MBP: variants seen among roughly 807,000 people sequenced by gnomAD.
MBP encodes the protein Golli-MBP.
MBP carries 16 observed loss-of-function variants against 35.8 expected under a neutral mutation model. The ratio of observed to expected loss-of-function variants is 0.45; its 90% CI spans 0.30 to 0.68. The LOEUF is 0.68. MBP is among the 30% of genes least tolerant of loss of function. MBP has a pLI of 0.08. For missense variants in MBP, 380 were observed against 404.7 expected (o/e 0.94, Z 0.52); for synonymous variants, 143 against 159.6 (o/e 0.90, Z 0.78).
chr18:77,102,964 T>G lies in MBP; in HGVS notation c.51+2247A>C, dbSNP rs964906674. ...TGCTGACATTATCAGTAATACAGTT[T>G]AAGTATGGGCTGAACAAAATAATGA... On this transcript the variant is annotated intron_variant, in intron 2 of 8. Coordinates refer to ENST00000355994, the MANE Select transcript of MBP (RefSeq NM_001025101.2). The surrounding 1 kb of genome is among the most constrained non-coding windows in gnomAD (Gnocchi z 4.4). Among the ~76,000 whole-genome samples, 5 of 150,992 alleles carry G rather than the reference T, an allele frequency of 3.3e-5. No individual in the cohort carries two copies. The highest frequency in any genetic ancestry group is 1.2e-4 in the African/African-American group (5 of 41,376).
intron 4 of MBP, among the ~76,000 whole-genome samples, chr18:77,010,867 A>G (rs8090467): frequency 0.014 from 2,168 of 152,348 alleles, 57 homozygotes; most frequent in African/African-American, 0.049. Flanking sequence ...CTATTTCTTG[A>G]CTATCAGCTA....
intron 3 of MBP, among the ~76,000 whole-genome samples, chr18:77,039,996 G>C (rs1468581939): frequency 6.6e-6 from 1 of 152,194 alleles, no homozygotes. Context: ...ATTGTTCGTA[G>C]AGTAGGAAAA....
chr18:77,101,719 A>G lies in MBP; in HGVS notation c.51+3492T>C, dbSNP rs145454922. ...CCTTTAGTTAGTTTCTCTTCCTCTTACATCCTGCCGTGGCTTATTCGGGAT... is the reference window on the plus strand; with the variant it reads ...CCTTTAGTTAGTTTCTCTTCCTCTTGCATCCTGCCGTGGCTTATTCGGGAT... On this transcript the variant is annotated intron_variant, in intron 2 of 8. Transcript: ENST00000355994. The surrounding 1 kb of genome is among the most constrained non-coding windows in gnomAD (Gnocchi z 4.3). 1.3e-5 allele frequency among the ~76,000 whole-genome samples: 2 copies of G among 152,218 alleles called. No individual in the cohort carries two copies. The highest frequency in any genetic ancestry group is 2.9e-5 in the Non-Finnish European group (2 of 68,010).
In MBP at chr18:77,026,228, C is replaced by T. The variant is rs1007496201; in HGVS notation, c.140-8960G>A. Among the ~76,000 whole-genome samples, 8 of 152,240 alleles carry T rather than the reference C, an allele frequency of 5.3e-5. No individual in the cohort carries two copies. The South Asian group carries it at 1.4e-3, about 28-fold the overall frequency. ...TCACGCTGGCTTGACCCACGGAGGGCGGCTGTCAGCCGCAACCGGAGGCAG... is the reference window on the plus strand; with the variant it reads ...TCACGCTGGCTTGACCCACGGAGGGTGGCTGTCAGCCGCAACCGGAGGCAG... On this transcript the variant is annotated intron_variant, in intron 3 of 8. Transcript: ENST00000355994.
chr18:77,070,738 G>A (rs536086831), intron 2 of MBP, among the ~76,000 whole-genome samples: 2 of 152,232 alleles, frequency 1.3e-5, no homozygotes, highest in Admixed American at 6.5e-5. Context: ...CTGGGAACTC[G>A]AGAGGTCCAC....
intron 2 of MBP, among the ~76,000 whole-genome samples, chr18:77,094,562 T>C (rs926951139): frequency 6.6e-6 from 1 of 152,226 alleles, no homozygotes; most frequent in African/African-American, 2.4e-5. Flanking sequence ...TGTACATTTG[T>C]GCTATGGTTT....
chr18:77,047,602 G>A (rs907796519), intron 3 of MBP, among the ~76,000 whole-genome samples: 3 of 152,200 alleles, frequency 2.0e-5, no homozygotes, highest in African/African-American at 7.2e-5. Context: ...AACCGTTAAT[G>A]TGTACACTGA....
At chr18:76,993,718 A>C (rs1970103537) in intron 4 of MBP, among the ~76,000 whole-genome samples, 1 of 152,210 alleles carries the variant, frequency 6.6e-6, no homozygotes, top group African/African-American at 2.4e-5. Flanking sequence ...CGCAGCTCCC[A>C]TACTCTTCAC....
At chr18:77,017,535 A>G (rs980332931) in intron 3 of MBP, 6 of 333,308 alleles carry the variant, frequency 1.8e-5, no homozygotes, top group African/African-American at 1.1e-4. Flanking sequence ...CGATGAAGTC[A>G]TCTGAGCATG....
intron 1 of MBP, chr18:77,114,661 C>G (rs1674199872): frequency 6.6e-6 from 1 of 152,300 alleles, no homozygotes; most frequent in Non-Finnish European, 1.5e-5. Flanking sequence ...CTGGGACTGG[C>G]CTTCGGATGG....
intron 2 of MBP, among the ~76,000 whole-genome samples, chr18:77,077,057 G>T (rs1387637688): frequency 1.3e-5 from 2 of 152,028 alleles, no homozygotes; most frequent in African/African-American, 4.8e-5. Context: ...CCGTGTGTTT[G>T]GTATAAAATT....
At chr18:77,121,236 A>G (rs971650816) in intron 1 of MBP, among the ~76,000 whole-genome samples, 4 of 152,022 alleles carry the variant, frequency 2.6e-5, no homozygotes, top group African/African-American at 7.2e-5. Flanking sequence ...TTTGAGCCCC[A>G]GAGATTGAGG....
chr18:76,986,810 T>C, intron 7 of MBP: 1 of 985,484 alleles, frequency 1.0e-6, no homozygotes, highest in Non-Finnish European at 1.2e-6. Context: ...TTTTGAGAGC[T>C]AAATCCGGGG....
chr18:77,036,363 C>A (rs1271346884), intron 3 of MBP, among the ~76,000 whole-genome samples: 1 of 139,874 alleles, frequency 7.1e-6, no homozygotes, highest in Non-Finnish European at 1.5e-5. Context: ...GTGCTGGTCA[C>A]ATTTTGGAGA....
intron 4 of MBP, among the ~76,000 whole-genome samples, chr18:76,997,589 G>A (rs911585078): frequency 6.6e-6 from 1 of 152,260 alleles, no homozygotes; most frequent in Non-Finnish European, 1.5e-5. Context: ...TGCTGAGCAC[G>A]GGAAGAAAAG....
At chr18:76,984,475 T>C (rs1969418580) in intron 8 of MBP, 2 of 358,418 alleles carry the variant, frequency 5.6e-6, no homozygotes, top group East Asian at 6.2e-5. Flanking sequence ...ATGAGCAAGT[T>C]GGACTCCAGC....
intron 3 of MBP, among the ~76,000 whole-genome samples, chr18:77,061,459 A>G (rs1324498974): frequency 6.6e-6 from 1 of 152,222 alleles, no homozygotes; most frequent in Admixed American, 6.5e-5. Flanking sequence ...CTCACAGGTC[A>G]TTTTATGATT....
intron 4 of MBP, chr18:76,990,906 G>A (rs1285114859): frequency 3.1e-6 from 1 of 318,472 alleles, no homozygotes; most frequent in East Asian, 1.4e-4. Flanking sequence ...GACTCAGTGT[G>A]CGGCTCTCCT....
Position 76,988,710 on chromosome 18 carries a change from A to AG in MBP, c.717+166dup. ...GCTGTGCAGGTGCGGGAGGGACAGG[A>AG]GGGGTGCATGGATCTGCCGACCTGT... On this transcript the variant is annotated intron_variant, in intron 6 of 8. Transcript: ENST00000355994. This position sits in a 1 kb window ranked among gnomAD's most constrained non-coding sequence, Gnocchi z 5.2. 1 of 1,339,932 alleles carries AG rather than the reference A, an allele frequency of 7.5e-7. No individual in the cohort carries two copies. Among genetic ancestry groups the AG allele is most frequent in the Admixed American group, 2.1e-5 (1 of 46,562 alleles). The allele number at this position is 1,339,932 out of a possible 1,614,324, so 83.0% of individuals were successfully genotyped here. A position where few individuals can be genotyped will look rare whatever the true frequency, so the allele number is the denominator to read the frequency against.
Sources: allele counts gnomAD v4.1 joint callset (sites outside exome capture counted in the v4.1 genomes callset), GRCh38; gene constraint gnomAD v4.1.1; non-coding constraint Gnocchi (gnomAD v3.1); transcripts MANE v1.5; gene names NCBI Gene and HGNC (gene_info 2026-07-23, HGNC 2026-07-21).